Variants in RBFOX1 observed in about 807,000 individuals in gnomAD.
The protein encoded by RBFOX1 is RNA binding protein fox-1 homolog 1.
A neutral mutation model predicts 57.7 loss-of-function variants in RBFOX1; 8 were observed. The ratio of observed to expected loss-of-function variants is 0.14; its 90% CI spans 0.08 to 0.25. The LOEUF is 0.25. Ranked by LOEUF, RBFOX1 falls within the 10% of genes least tolerant of loss-of-function variation. RBFOX1 has a pLI of 1.00. For synonymous variants in RBFOX1, 326 were observed against 222.4 expected (o/e 1.47, Z -4.15); for missense variants, 611 against 548.5 (o/e 1.11, Z -1.14).
intron 2 of RBFOX1, among the ~76,000 whole-genome samples, chr16:5,560,871 G>C (rs533394112): frequency 6.6e-6 from 1 of 152,278 alleles, no homozygotes; most frequent in African/African-American, 2.4e-5. Flanking sequence ...GCCTCTGAAG[G>C]CAGCCCTGGT....
intron 3 of RBFOX1, among the ~76,000 whole-genome samples, chr16:5,832,675 C>T (rs914338509): frequency 6.6e-6 from 1 of 152,174 alleles, no homozygotes; most frequent in Non-Finnish European, 1.5e-5. Context: ...GTCAATTAGC[C>T]TAATCCATAA....
At chr16:6,949,488 C>G (rs746892828) in intron 3 of RBFOX1, among the ~76,000 whole-genome samples, 91 of 152,208 alleles carry the variant, frequency 6.0e-4, no homozygotes, top group Non-Finnish European at 1.0e-3. Flanking sequence ...GGCTGGAAAT[C>G]TAAAGCCAGA....
intron 5 of RBFOX1, among the ~76,000 whole-genome samples, chr16:7,562,790 T>C (rs752951083): frequency 1.3e-5 from 2 of 152,220 alleles, no homozygotes; most frequent in Non-Finnish European, 1.5e-5. Context: ...TCCTACAAAC[T>C]GCTGGAGAGT....
intron 5 of RBFOX1, among the ~76,000 whole-genome samples, chr16:7,567,062 A>G (rs774940315): frequency 6.6e-6 from 1 of 150,444 alleles, no homozygotes; most frequent in Admixed American, 6.6e-5. Context: ...TGAGCGACCC[A>G]CTCTATAATT....
At chr16:7,049,875 T>G (rs942755011) in intron 3 of RBFOX1, among the ~76,000 whole-genome samples, 3 of 152,182 alleles carry the variant, frequency 2.0e-5, no homozygotes, top group Non-Finnish European at 4.4e-5. Context: ...AAAATAAAAT[T>G]TACCTTTTTT....
intron 2 of RBFOX1, among the ~76,000 whole-genome samples, chr16:6,344,432 C>T (rs907906208): frequency 3.0e-5 from 2 of 67,428 alleles, no homozygotes; most frequent in Admixed American, 1.6e-4. Flanking sequence ...GACAGAGTCT[C>T]TATCGCCCAG....
intron 2 of RBFOX1, among the ~76,000 whole-genome samples, chr16:6,548,731 T>C (rs921462170): frequency 6.6e-6 from 1 of 152,112 alleles, no homozygotes; most frequent in Admixed American, 6.5e-5. Context: ...ATCTGCTTCC[T>C]CTCTTGGTAC....
At chr16:6,750,913 G>A (rs934941260) in intron 3 of RBFOX1, among the ~76,000 whole-genome samples, 5 of 152,138 alleles carry the variant, frequency 3.3e-5, no homozygotes, top group Non-Finnish European at 5.9e-5. Flanking sequence ...TCAGATTAGT[G>A]GGCTAGGGAA....
chr16:7,354,930 G>C (rs989265234), intron 4 of RBFOX1, among the ~76,000 whole-genome samples: 4 of 152,104 alleles, frequency 2.6e-5, no homozygotes, highest in African/African-American at 9.7e-5. Flanking sequence ...TGGTCTCTTT[G>C]CTCTGCTTTC....
chr16:5,448,881 G>A (rs1461888319), intron 1 of RBFOX1, among the ~76,000 whole-genome samples: 1 of 152,056 alleles, frequency 6.6e-6, no homozygotes, highest in African/African-American at 2.4e-5. Flanking sequence ...CCTAAAGCTG[G>A]CATGATCCGC....
intron 4 of RBFOX1, among the ~76,000 whole-genome samples, chr16:7,218,445 C>T (rs1441490686): frequency 2.0e-5 from 3 of 152,024 alleles, no homozygotes; most frequent in East Asian, 1.9e-4. Flanking sequence ...AAGCCATATT[C>T]GATCCCAGTG....
rs1458499628 is a variant in RBFOX1 at position 6,601,262 on chromosome 16, A to G, written c.-63-53341A>G. On this transcript the variant is annotated intron_variant, in intron 2 of 15. Coordinates refer to ENST00000550418, the MANE Select transcript of RBFOX1 (RefSeq NM_018723.4). ...ATTGAACCAGCATATAATTCCAACT[A>G]GGGCTATAATTAGAAAGATACGGCT... is the stretch of plus-strand genomic sequence containing the variant. 2.0e-5 allele frequency among the ~76,000 whole-genome samples: 3 copies of G among 152,260 alleles called. No individual in the cohort carries two copies. The East Asian group carries it at 5.8e-4, about 29-fold the overall frequency.
At chr16:6,011,469 G>A (rs752216139) in intron 4 of RBFOX1, among the ~76,000 whole-genome samples, 58 of 152,194 alleles carry the variant, frequency 3.8e-4, no homozygotes, top group Non-Finnish European at 6.3e-4. Flanking sequence ...TTGAGCTTAA[G>A]TTTGTAAGCT....
intron 2 of RBFOX1, among the ~76,000 whole-genome samples, chr16:6,543,779 C>T (rs17823229): frequency 0.29 from 43,440 of 151,802 alleles, 7,242 homozygotes; most frequent in Middle Eastern, 0.43. Flanking sequence ...TAGTAAGACA[C>T]GTTTTCTGAA....
intron 3 of RBFOX1, among the ~76,000 whole-genome samples, chr16:6,948,367 C>T (rs1222946669): frequency 3.0e-5 from 4 of 133,194 alleles, no homozygotes; most frequent in African/African-American, 5.5e-5. Context: ...CCTTTTCTTT[C>T]TCCCTTTCTT....
chr16:6,976,950 T>A (rs533513264), intron 3 of RBFOX1, among the ~76,000 whole-genome samples: 10 of 147,124 alleles, frequency 6.8e-5, no homozygotes, highest in Non-Finnish European at 1.2e-4. Context: ...ATACTATATA[T>A]CATATATATT....
chr16:6,729,463 A>C (rs74389153), intron 3 of RBFOX1, among the ~76,000 whole-genome samples: 3,163 of 152,290 alleles, frequency 0.021, 51 homozygotes, highest in East Asian at 0.055. Flanking sequence ...GTATTGTAGG[A>C]GCCTTCCCAG....
upstream of RBFOX1, among the ~76,000 whole-genome samples, chr16:6,017,134 C>T (rs1359588074): frequency 1.3e-5 from 2 of 152,024 alleles, no homozygotes; most frequent in Non-Finnish European, 2.9e-5. Context: ...TAAAAATAAT[C>T]AAAGGGCCCA....
At chr16:7,365,988 C>A (rs543569766) in intron 4 of RBFOX1, among the ~76,000 whole-genome samples, 51 of 152,274 alleles carry the variant, frequency 3.3e-4, no homozygotes, top group East Asian at 1.2e-3. Context: ...GAAGACTCAT[C>A]CTGTGATATC....
Sources: gnomAD v4.1 joint callset for allele counts (sites outside exome capture counted in the v4.1 genomes callset) on GRCh38, gnomAD v4.1.1 for gene constraint, MANE v1.5 for transcripts, NCBI Gene and HGNC (gene_info 2026-07-23, HGNC 2026-07-21) for gene names.